The following CAMKMT variants were observed in gnomAD, a reference collection of about 807,000 sequenced individuals.
CAMKMT encodes the protein calmodulin-lysine N-methyltransferase, also known as CaM KMT.
CAMKMT carries 53 observed loss-of-function variants against 48.0 expected under a neutral mutation model. That is an observed-to-expected ratio of 1.10 (90% confidence interval 0.89 to 1.39). The LOEUF (loss-of-function observed/expected upper bound fraction) is 1.39. Ranked by LOEUF, CAMKMT falls within the 40% of genes most tolerant of loss-of-function variation. CAMKMT has a pLI of 0.00. For synonymous variants in CAMKMT, 165 were observed against 152.3 expected, an observed-to-expected ratio of 1.08 and a Z score of -0.61; for missense variants, 428 against 402.7, an observed-to-expected ratio of 1.06 and a Z score of -0.54.
At chr2:44,366,126 A>G (rs996356902) in intron 1 of CAMKMT, among the ~76,000 whole-genome samples, 13 of 152,250 alleles carry the variant, frequency 8.5e-5, no homozygotes, top group African/African-American at 3.1e-4. Flanking sequence ...CTTGGCTTTT[A>G]GGGTAACGTT....
intron 3 of CAMKMT, among the ~76,000 whole-genome samples, chr2:44,667,564 A>G (rs1675067605): frequency 6.6e-6 from 1 of 152,138 alleles, no homozygotes; most frequent in South Asian, 2.1e-4. Flanking sequence ...TTATTCTCAA[A>G]GTCTTCAACA....
chr2:44,456,605 G>A (rs763072598), intron 3 of CAMKMT: 4 of 1,549,320 alleles, frequency 2.6e-6, no homozygotes, highest in East Asian at 2.5e-5. Flanking sequence ...ATCACCATCA[G>A]TAGTAACTCT....
At chr2:44,753,416 AAAG>A (rs1680238129) in intron 8 of CAMKMT, among the ~76,000 whole-genome samples, 1 of 151,862 alleles carries the variant, frequency 6.6e-6, no homozygotes, top group African/African-American at 2.4e-5. Flanking sequence ...AAAAAAAAAA[AAAG>A]AAAGAAAGAA....
chr2:44,594,576 T>G (rs1558731032), intron 3 of CAMKMT, among the ~76,000 whole-genome samples: 2 of 152,156 alleles, frequency 1.3e-5, no homozygotes, highest in Admixed American at 1.3e-4. Context: ...ATTCCCTATT[T>G]AATAAATGGT....
intron 3 of CAMKMT, among the ~76,000 whole-genome samples, chr2:44,390,666 C>T (rs921303926): frequency 5.9e-5 from 9 of 151,992 alleles, no homozygotes; most frequent in Non-Finnish European, 1.0e-4. Flanking sequence ...GCTGTTTCTT[C>T]CTTCTTTGCT....
chr2:44,665,331 A>C (rs1054335452), intron 3 of CAMKMT, among the ~76,000 whole-genome samples: 5 of 152,074 alleles, frequency 3.3e-5, no homozygotes, highest in Admixed American at 3.3e-4. Flanking sequence ...TCTGCCTCCC[A>C]AAGTGCTGGG....
At chr2:44,563,383 C>G (rs4953102) in intron 3 of CAMKMT, among the ~76,000 whole-genome samples, 1 of 151,396 alleles carries the variant, frequency 6.6e-6, no homozygotes, top group Non-Finnish European at 1.5e-5. Context: ...ATTGTTTTGC[C>G]TTATGTAGAT....
At chr2:44,422,648 A>G (rs1312642331) in intron 3 of CAMKMT, among the ~76,000 whole-genome samples, 1 of 152,178 alleles carries the variant, frequency 6.6e-6, no homozygotes, top group Admixed American at 6.5e-5. Flanking sequence ...TTCAAAGTCC[A>G]GAATTGGACT....
intron 3 of CAMKMT, among the ~76,000 whole-genome samples, chr2:44,396,949 C>G (rs1008517797): frequency 4.6e-5 from 7 of 151,448 alleles, no homozygotes; most frequent in African/African-American, 1.2e-4. Context: ...GTCTCAGCTA[C>G]TCAGGAGGCT....
intron 2 of CAMKMT, among the ~76,000 whole-genome samples, chr2:44,375,795 T>C (rs1341436559): frequency 6.6e-6 from 1 of 151,880 alleles, no homozygotes; most frequent in African/African-American, 2.4e-5. Context: ...GGTTTTTTTT[T>C]TCTTTTTAGA....
intron 3 of CAMKMT, among the ~76,000 whole-genome samples, chr2:44,643,382 T>C (rs17032462): frequency 0.027 from 4,153 of 152,260 alleles, 193 homozygotes; most frequent in African/African-American, 0.094. Flanking sequence ...TTTGCAAGTA[T>C]AATGAATGGA....
chr2:44,496,541 T>C (rs1669760410), intron 3 of CAMKMT, among the ~76,000 whole-genome samples: 1 of 152,244 alleles, frequency 6.6e-6, no homozygotes, highest in South Asian at 2.1e-4. Flanking sequence ...CTTGTACGTA[T>C]GCCTTACAGG....
At chr2:44,403,481 C>A (rs191344042) in intron 3 of CAMKMT, among the ~76,000 whole-genome samples, 1 of 152,154 alleles carries the variant, frequency 6.6e-6, no homozygotes, top group Non-Finnish European at 1.5e-5. Context: ...TCAACAAATT[C>A]TTCTGTGTTT....
At chr2:44,484,239 A>C (rs1669107738) in intron 3 of CAMKMT, among the ~76,000 whole-genome samples, 1 of 151,872 alleles carries the variant, frequency 6.6e-6, no homozygotes, top group African/African-American at 2.4e-5. Flanking sequence ...TTTAACGTTT[A>C]TATGAAAATG....
intron 3 of CAMKMT, among the ~76,000 whole-genome samples, chr2:44,437,062 A>C (rs1235071763): frequency 6.6e-6 from 1 of 152,068 alleles, no homozygotes; most frequent in Non-Finnish European, 1.5e-5. Context: ...TAAAAATCTT[A>C]CCTCCTTGAT....
At chr2:44,627,551 T>G (rs1248087121) in intron 3 of CAMKMT, among the ~76,000 whole-genome samples, 3 of 152,066 alleles carry the variant, frequency 2.0e-5, no homozygotes, top group Non-Finnish European at 4.4e-5. Flanking sequence ...GTTCACAGAT[T>G]CAATTAAATA....
chr2:44,667,060 TAAAATGTTCTGAAATGGAC>T (rs367855921), intron 3 of CAMKMT, among the ~76,000 whole-genome samples: 1 of 152,338 alleles, frequency 6.6e-6, no homozygotes, highest in African/African-American at 2.4e-5. Context: ...AGGGATTTGA[TAAAATGTTCTGAAATGGAC>T]ATTTTAGCTG....
intron 3 of CAMKMT, among the ~76,000 whole-genome samples, chr2:44,587,922 T>C (rs1179607134): frequency 1.1e-5 from 1 of 94,090 alleles, no homozygotes; most frequent in Non-Finnish European, 2.3e-5. Flanking sequence ...GTGAGGAGCG[T>C]CTCTGCCTGG....
intron 3 of CAMKMT, among the ~76,000 whole-genome samples, chr2:44,475,550 T>C (rs377483755): frequency 1.6e-4 from 25 of 152,216 alleles, no homozygotes; most frequent in African/African-American, 6.0e-4. Context: ...TCTCTTCACC[T>C]TGTGATCCGC....
Sources: gnomAD v4.1 joint callset for allele counts (sites outside exome capture counted in the v4.1 genomes callset) on GRCh38, gnomAD v4.1.1 for gene constraint, MANE v1.5 for transcripts, NCBI Gene and HGNC (gene_info 2026-07-23, HGNC 2026-07-21) for gene names.